Variants in RPS6KA5 observed in about 807,000 individuals in gnomAD.
RPS6KA5 encodes ribosomal protein S6 kinase A5.
A neutral mutation model predicts 85.5 loss-of-function variants in RPS6KA5; 27 were observed. The ratio of observed to expected loss-of-function variants is 0.32; its 90% CI spans 0.23 to 0.44. The LOEUF (loss-of-function observed/expected upper bound fraction) is 0.44, where lower values mean the gene tolerates loss of function less well. Among genes scored for constraint, RPS6KA5 ranks in the 20% least tolerant of loss-of-function variants. RPS6KA5 has a pLI of 1.00. For missense variants in RPS6KA5, 811 were observed against 980.9 expected (o/e 0.83, Z 2.31); for synonymous variants, 334 against 348.2 (o/e 0.96, Z 0.46).
At chr14:90,877,693 T>C (rs2033567883) in intron 14 of RPS6KA5, among the ~76,000 whole-genome samples, 1 of 152,152 alleles carries the variant, frequency 6.6e-6, no homozygotes, top group South Asian at 2.1e-4. Flanking sequence ...TTGGTCTCCT[T>C]AGAATGCCAT....
intron 3 of RPS6KA5, among the ~76,000 whole-genome samples, chr14:90,955,204 T>A (rs1222593117): frequency 3.3e-5 from 5 of 152,226 alleles, no homozygotes; most frequent in Admixed American, 1.3e-4. Context: ...CTTGCTTTTT[T>A]AATTTTAGCT....
At chr14:90,953,701 C>T (rs148396076) in intron 3 of RPS6KA5, among the ~76,000 whole-genome samples, 1 of 152,174 alleles carries the variant, frequency 6.6e-6, no homozygotes, top group Non-Finnish European at 1.5e-5. Flanking sequence ...AATGGCCACT[C>T]TGGGAGTGTC....
intron 3 of RPS6KA5, among the ~76,000 whole-genome samples, chr14:90,975,649 G>A (rs762231007): frequency 6.6e-6 from 1 of 152,170 alleles, no homozygotes; most frequent in Non-Finnish European, 1.5e-5. Flanking sequence ...GAAAATAAAT[G>A]TCTATTGTTT....
chr14:90,960,076 T>A (rs1344071796), intron 3 of RPS6KA5, among the ~76,000 whole-genome samples: 3 of 152,144 alleles, frequency 2.0e-5, no homozygotes, highest in Non-Finnish European at 4.4e-5. Flanking sequence ...ATTTTACCCC[T>A]GCTTGGCTTA....
At position 90,965,153 on chromosome 14, in the gene RPS6KA5, T is replaced by C. The variant is rs1361393346; in HGVS notation, c.394+13153A>G. Among the ~76,000 whole-genome samples, 4 of 152,086 alleles carry C rather than the reference T, an allele frequency of 2.6e-5. No homozygotes were observed. In the East Asian group the frequency reaches 7.7e-4, roughly 29 times the overall value. The stretch of plus-strand genomic sequence containing the variant: ...GCTCATGCCTGTAATCCCAGCACTT[T>C]GTAAGGCAGGCAGATCACGAGGTCA... On this transcript the variant is annotated intron_variant, in intron 3 of 16. Coordinates refer to ENST00000614987, the MANE Select transcript of RPS6KA5 (RefSeq NM_004755.4).
intron 1 of RPS6KA5, among the ~76,000 whole-genome samples, chr14:91,051,681 G>T (rs1029289408): frequency 1.3e-5 from 2 of 151,918 alleles, no homozygotes; most frequent in African/African-American, 4.8e-5. Context: ...TAGAGATGGG[G>T]TTTCACCATG....
At position 90,900,228 on chromosome 14, in the gene RPS6KA5, T is replaced by C; in HGVS notation, c.1259A>G (p.Tyr420Cys). The C allele has an allele frequency of 1.3e-6, 2 of 1,588,706 alleles. No homozygotes were observed. The highest frequency in any genetic ancestry group is 1.7e-6 in the Non-Finnish European group (2 of 1,167,336). ...RSAMMKDSPF[Y>C]QHYDLDLKDK... Reference sequence around the variant, plus strand: ...CTTCAAATCTAGGTCATAGTGTTGATAGAATGGAGAGTCCTGTCAAGAAAT... The same window carrying C: ...CTTCAAATCTAGGTCATAGTGTTGACAGAATGGAGAGTCCTGTCAAGAAAT... Residue 420 changes from tyrosine to cysteine, a missense_variant, in exon 11 of 17, where the codon TAT becomes TGT. Physicochemically the swap from Tyr to Cys is radical, Grantham distance 194. Transcript: ENST00000614987.
intron 1 of RPS6KA5, among the ~76,000 whole-genome samples, chr14:91,019,073 T>C (rs1182156995): frequency 6.6e-6 from 1 of 152,136 alleles, no homozygotes; most frequent in Non-Finnish European, 1.5e-5. Flanking sequence ...GATAGCTGTA[T>C]CATGTTAGGC....
intron 3 of RPS6KA5, among the ~76,000 whole-genome samples, chr14:90,953,879 C>G (rs193026569): frequency 2.6e-3 from 400 of 152,324 alleles, no homozygotes; most frequent in Non-Finnish European, 3.9e-3. Context: ...ACAATACATG[C>G]ACAGCTGAAC....
At chr14:90,883,197 A>G (rs1333863265) in intron 14 of RPS6KA5, among the ~76,000 whole-genome samples, 2 of 152,170 alleles carry the variant, frequency 1.3e-5, no homozygotes, top group Non-Finnish European at 2.9e-5. Context: ...CACCAATCCA[A>G]TAGAATATTT....
chr14:90,893,699 GTCA>G (rs1375317499), intron 13 of RPS6KA5, among the ~76,000 whole-genome samples: 1 of 152,002 alleles, frequency 6.6e-6, no homozygotes, highest in African/African-American at 2.4e-5. Context: ...TAAAGGATGA[GTCA>G]TCATTATCTT....
intron 3 of RPS6KA5, among the ~76,000 whole-genome samples, chr14:90,953,514 A>G (rs1488540143): frequency 6.6e-6 from 1 of 152,224 alleles, no homozygotes; most frequent in Non-Finnish European, 1.5e-5. Context: ...AAGGGAAGAT[A>G]ACTATAAGGT....
rs1465784479 is a variant in RPS6KA5 at position 90,856,528 on chromosome 14, TA to T, written c.*15545del. ...ACAGGCATGCGCTACCACGCCCGGC[TA>T]ATTTTTGTATTTTATTAGAGATGGA... On this transcript the variant is annotated 3_prime_UTR_variant, in exon 17 of 17. Transcript: ENST00000614987. The T allele has an allele frequency of 6.6e-6, 1 of 152,114 alleles. No homozygotes were observed. The highest frequency in any genetic ancestry group is 1.5e-5 in the Non-Finnish European group (1 of 68,066). The allele number at this position is 152,114 out of a possible 1,614,324, so 9.4% of individuals were successfully genotyped here.
At position 90,850,517 on chromosome 14, in the gene RPS6KA5, G is replaced by A. The variant is rs2031950050; in HGVS notation, c.*21557C>T. On this transcript the variant is annotated 3_prime_UTR_variant, in exon 17 of 17. Transcript: ENST00000614987. ...TACATAACCAGGCCTTTTAAATAAGGATGGAATTCAATAAAAAACTTAAAA... is the reference window on the plus strand; with the variant it reads ...TACATAACCAGGCCTTTTAAATAAGAATGGAATTCAATAAAAAACTTAAAA... 6.7e-6 allele frequency: 1 copy of A among 148,922 alleles called. No individual in the cohort carries two copies. The highest frequency in any genetic ancestry group is 2.5e-5 in the African/African-American group (1 of 40,602). The allele number at this position is 148,922 out of a possible 1,614,324, so 9.2% of individuals were successfully genotyped here. A position where few individuals can be genotyped will look rare whatever the true frequency, so the allele number is the denominator to read the frequency against.
chr14:90,911,627 T>C (rs990713266), intron 7 of RPS6KA5, among the ~76,000 whole-genome samples: 2 of 152,224 alleles, frequency 1.3e-5, no homozygotes, highest in East Asian at 3.8e-4. Flanking sequence ...CACTCAATAG[T>C]ACATTAAGCA....
chr14:90,955,389 G>A (rs1435066099), intron 3 of RPS6KA5, among the ~76,000 whole-genome samples: 2 of 152,134 alleles, frequency 1.3e-5, no homozygotes, highest in East Asian at 3.9e-4. Flanking sequence ...TGAGTAGCTA[G>A]GATTACAGGT....
intron 14 of RPS6KA5, among the ~76,000 whole-genome samples, chr14:90,879,606 T>A (rs2033694913): frequency 6.6e-6 from 1 of 152,158 alleles, no homozygotes; most frequent in Non-Finnish European, 1.5e-5. Context: ...GCTCAAGTGA[T>A]CAGCTGCACT....
At position 90,955,494 on chromosome 14, in the gene RPS6KA5, T is replaced by C. The variant is rs117055501; in HGVS notation, c.395-7944A>G. 2.1e-3 allele frequency among the ~76,000 whole-genome samples: 325 copies of C among 152,320 alleles called. 11 individuals carry two copies. In the East Asian group the frequency reaches 0.054, roughly 25 times the overall value. ...GTCAAAAAGTATTTTTTTATTTCTCTTATTTCATCTTTGACATATTGGATA... is the reference window on the plus strand; with the variant it reads ...GTCAAAAAGTATTTTTTTATTTCTCCTATTTCATCTTTGACATATTGGATA... On this transcript the variant is annotated intron_variant, in intron 3 of 16. Coordinates refer to ENST00000614987, the MANE Select transcript of RPS6KA5 (RefSeq NM_004755.4).
intron 1 of RPS6KA5, 91 bp downstream of exon 1, chr14:91,060,241 G>GGCCCCGCGCCCCCA: frequency 1.0e-6 from 1 of 970,340 alleles, no homozygotes; most frequent in Non-Finnish European, 1.2e-6. Flanking sequence ...CCACGGCTGC[G>GGCCCCGCGCCCCCA]GCCCCGCGCC....
Sources: gnomAD v4.1 joint callset for allele counts (sites outside exome capture counted in the v4.1 genomes callset) on GRCh38, gnomAD v4.1.1 for gene constraint, MANE v1.5 for transcripts, NCBI Gene and HGNC (gene_info 2026-07-23, HGNC 2026-07-21) for gene names.